NUFIP1: variants seen among roughly 807,000 people sequenced by gnomAD.
NUFIP1 encodes nuclear FMR1 interacting protein 1.
Under a neutral mutation model 56.2 loss-of-function variants are expected in NUFIP1, and 38 were observed. The ratio of observed to expected loss-of-function variants is 0.68; its 90% CI spans 0.52 to 0.89. The LOEUF is 0.89. Among genes scored for constraint, NUFIP1 ranks in the 40% least tolerant of loss-of-function variants. The pLI is 0.00. For missense variants in NUFIP1, 567 were observed against 605.8 expected (o/e 0.94, Z 0.67); for synonymous variants, 215 against 212.4 (o/e 1.01, Z -0.10).
chr13:44,949,391 C>T (rs1871008988), intron 8 of NUFIP1, among the ~76,000 whole-genome samples: 3 of 151,194 alleles, frequency 2.0e-5, no homozygotes, highest in Non-Finnish European at 3.0e-5. Context: ...TTAGTAGAGA[C>T]GGGGTTTCAC....
intron 6 of NUFIP1, among the ~76,000 whole-genome samples, chr13:44,962,239 T>C (rs1871448720): frequency 6.6e-6 from 1 of 152,220 alleles, no homozygotes; most frequent in Admixed American, 6.5e-5. Context: ...AATTACATAA[T>C]ATATAAGAGA....
At chr13:44,981,445 T>C (rs1338608561) in intron 2 of NUFIP1, among the ~76,000 whole-genome samples, 1 of 152,226 alleles carries the variant, frequency 6.6e-6, no homozygotes, top group African/African-American at 2.4e-5. Context: ...AGACCATTAG[T>C]AGTTAAGTTT....
intron 5 of NUFIP1, among the ~76,000 whole-genome samples, chr13:44,967,949 T>C (rs1191127199): frequency 1.5e-5 from 1 of 67,982 alleles, no homozygotes; most frequent in Non-Finnish European, 2.8e-5. Context: ...GACACTTCTC[T>C]ACCTTCTGCC....
At chr13:44,978,560 T>G (rs566020679) in intron 5 of NUFIP1, among the ~76,000 whole-genome samples, 1 of 152,332 alleles carries the variant, frequency 6.6e-6, no homozygotes, top group Admixed American at 6.5e-5. Flanking sequence ...AGACATCAAC[T>G]AAACTTTCTT....
chr13:44,971,046 C>T (rs898372223), intron 5 of NUFIP1, among the ~76,000 whole-genome samples: 2 of 151,868 alleles, frequency 1.3e-5, no homozygotes, highest in Non-Finnish European at 2.9e-5. Context: ...ATCAAACATA[C>T]CAAAAGAAAA....
rs1423756109 is a variant in NUFIP1, at chr13:44,965,916, T to C, written c.755A>G (p.Asn252Ser). 12 of 1,589,102 alleles carry C rather than the reference T, an allele frequency of 7.6e-6. No homozygotes were observed. Among genetic ancestry groups the C allele is most frequent in the Non-Finnish European group, 1.0e-5 (12 of 1,167,678 alleles). Residue 252 changes from asparagine (N) to serine (S), a missense_variant, in exon 6 of 10, where the codon AAT becomes AGT. Transcript: ENST00000379161. ...TTTTAACTTCTTCTTCCTTTCAATA[T>C]TGGCCAGAGTTGGATAGTTTCTAGA... ...ERRKNYPTLA[N>S]IERKKKLKLE... is the part of the protein sequence containing the mutation.
At chr13:44,975,979 A>C (rs971737986) in intron 5 of NUFIP1, among the ~76,000 whole-genome samples, 4 of 152,236 alleles carry the variant, frequency 2.6e-5, no homozygotes, top group African/African-American at 9.6e-5. Context: ...TTAACTGTTT[A>C]GTTAGATAAC....
intron 2 of NUFIP1, 128 bp from the exon 3 acceptor site, chr13:44,980,948 T>C (rs956512357): frequency 3.5e-6 from 2 of 578,724 alleles, no homozygotes; most frequent in Non-Finnish European, 6.0e-6. Flanking sequence ...GGGAGAAGCT[T>C]GTGAGTATAT....
At chr13:44,954,123 A>G (rs1014136961) in intron 7 of NUFIP1, among the ~76,000 whole-genome samples, 7 of 152,218 alleles carry the variant, frequency 4.6e-5, no homozygotes, top group Non-Finnish European at 5.9e-5. Flanking sequence ...ACTGGCTGAC[A>G]AAATAATACT....
At chr13:44,986,171 A>C (rs1209191661) in intron 1 of NUFIP1, among the ~76,000 whole-genome samples, 2 of 152,200 alleles carry the variant, frequency 1.3e-5, no homozygotes, top group African/African-American at 4.8e-5. Context: ...TGATTCCTCT[A>C]ATGGATCTGA....
chr13:44,961,539 T>C (rs1174903886), intron 6 of NUFIP1, among the ~76,000 whole-genome samples: 2 of 152,212 alleles, frequency 1.3e-5, no homozygotes, highest in African/African-American at 2.4e-5. Context: ...AATCCAGAGA[T>C]TTTTAATCCC....
At chr13:44,941,516 T>C (rs1479513250) in intron 9 of NUFIP1, among the ~76,000 whole-genome samples, 194 bp from the exon 10 acceptor site, 2 of 152,198 alleles carry the variant, frequency 1.3e-5, no homozygotes, top group South Asian at 2.1e-4. Context: ...TAGCTTTTTA[T>C]TTATTTATTT....
Position 44,959,508 on chromosome 13 carries a change from T to C in NUFIP1, c.894A>G (p.Lys298=). 3 of 1,614,130 alleles carry C rather than the reference T, an allele frequency of 1.9e-6. No homozygotes were observed. The highest frequency in any genetic ancestry group is 2.2e-5 in the East Asian group (1 of 44,880). ...AKIRSPGKNH[K]WKNDNSRQRA... Reference sequence around the variant, plus strand: ...TCTGTCTAGAATTGTCGTTTTTCCATTTGTGATTCTTGCCAGGACTTCTGA... The same window carrying C: ...TCTGTCTAGAATTGTCGTTTTTCCACTTGTGATTCTTGCCAGGACTTCTGA... The change falls in exon 7 of 10, where the codon AAA becomes AAG. Residue 298 remains lysine, a synonymous_variant. Coordinates refer to ENST00000379161, the MANE Select transcript of NUFIP1 (RefSeq NM_012345.3).
chr13:44,960,785 G>A (rs955581482), intron 6 of NUFIP1, among the ~76,000 whole-genome samples: 8 of 152,032 alleles, frequency 5.3e-5, no homozygotes, highest in African/African-American at 7.2e-5. Flanking sequence ...AGTATTGGCC[G>A]GGCGCGGTGG....
At chr13:44,966,738 T>G (rs536185426) in intron 5 of NUFIP1, among the ~76,000 whole-genome samples, 36 of 151,072 alleles carry the variant, frequency 2.4e-4, no homozygotes, top group Non-Finnish European at 4.3e-4. Context: ...TTTTGGGAGG[T>G]TGAGGTGGGC....
intron 5 of NUFIP1, among the ~76,000 whole-genome samples, chr13:44,968,259 G>T (rs578175612): frequency 1.3e-5 from 2 of 152,000 alleles, no homozygotes; most frequent in African/African-American, 4.8e-5. Context: ...TACATTTTTC[G>T]AAAGCAAACA....
chr13:44,965,203 C>T (rs569818020), intron 6 of NUFIP1, among the ~76,000 whole-genome samples: 1 of 152,294 alleles, frequency 6.6e-6, no homozygotes, highest in East Asian at 1.9e-4. Flanking sequence ...CTGTCTCTGC[C>T]TGCTGCCATC....
chr13:44,946,351 G>A (rs1412076463), intron 8 of NUFIP1, among the ~76,000 whole-genome samples: 1 of 151,788 alleles, frequency 6.6e-6, no homozygotes, highest in African/African-American at 2.4e-5. Context: ...TTTTTGGTTT[G>A]TGGCCTTCTG....
intron 9 of NUFIP1, among the ~76,000 whole-genome samples, chr13:44,943,228 T>A (rs1223105795): frequency 6.6e-6 from 1 of 152,202 alleles, no homozygotes; most frequent in African/African-American, 2.4e-5. Context: ...AAATTTATTT[T>A]AAGTGGTTGT....
Sources: allele counts gnomAD v4.1 joint callset (sites outside exome capture counted in the v4.1 genomes callset), GRCh38; gene constraint gnomAD v4.1.1; transcripts MANE v1.5; gene names NCBI Gene and HGNC (gene_info 2026-07-23, HGNC 2026-07-21).